KIAA0319L: variants seen among roughly 807,000 people sequenced by gnomAD.
KIAA0319L encodes dyslexia-associated protein KIAA0319-like protein.
KIAA0319L carries 55 observed loss-of-function variants against 120.1 expected under a neutral mutation model. The observed-to-expected ratio is 0.46, with a 90% CI of 0.37 to 0.57. KIAA0319L has a LOEUF of 0.57. Among genes scored for constraint, KIAA0319L ranks in the 20% least tolerant of loss-of-function variants. KIAA0319L has a pLI of 0.00. For missense variants in KIAA0319L, 1,049 were observed against 1,255.3 expected (o/e 0.84, Z 2.48); for synonymous variants, 398 against 471.9 (o/e 0.84, Z 2.03).
intron 3 of KIAA0319L, among the ~76,000 whole-genome samples, chr1:35,502,395 C>T (rs1645041238): frequency 6.6e-6 from 1 of 151,622 alleles, no homozygotes; most frequent in Non-Finnish European, 1.5e-5. Context: ...ATAGTAAATG[C>T]TCAGTAAACA....
rs1194569222 is a variant in KIAA0319L, at chr1:35,444,225, C to T, written c.2592G>A (p.Lys864=). Residue 864 remains lysine, a synonymous_variant, in exon 17 of 21, where the codon AAG becomes AAA. Coordinates refer to ENST00000325722, the MANE Select transcript of KIAA0319L (RefSeq NM_024874.5). ...FKGHEVAAML[K]SELRKQKADF... ...CTGCCTTTTGCTTCCGCAGCTCACT[C>T]TTGAGCATCGCTGCCACCTCATGGC... 6.2e-7 allele frequency: 1 copy of T among 1,610,304 alleles called. No individual in the cohort carries two copies. Among genetic ancestry groups the T allele is most frequent in the South Asian group, 1.1e-5 (1 of 90,070 alleles).
At chr1:35,464,265 T>C (rs191455941) in intron 7 of KIAA0319L, among the ~76,000 whole-genome samples, 66 of 152,298 alleles carry the variant, frequency 4.3e-4, no homozygotes, top group Non-Finnish European at 7.8e-4. Context: ...ACTTGTTGAA[T>C]GGCTTTGCCC....
At chr1:35,469,532 A>G (rs1018605302) in intron 6 of KIAA0319L, among the ~76,000 whole-genome samples, 6 of 151,848 alleles carry the variant, frequency 4.0e-5, no homozygotes, top group Non-Finnish European at 8.8e-5. Flanking sequence ...AACCACATAT[A>G]AATTCCCCTT....
chr1:35,458,293 T>C (rs1642635476), intron 9 of KIAA0319L, among the ~76,000 whole-genome samples: 1 of 152,132 alleles, frequency 6.6e-6, no homozygotes, highest in Non-Finnish European at 1.5e-5. Flanking sequence ...AAGCACCTTA[T>C]AGACAGACGG....
intron 2 of KIAA0319L, among the ~76,000 whole-genome samples, chr1:35,508,471 A>G (rs925219204): frequency 4.6e-5 from 7 of 152,224 alleles, no homozygotes; most frequent in Admixed American, 4.6e-4. Flanking sequence ...AAACTAATCA[A>G]AGATAAAAGG....
intron 2 of KIAA0319L, among the ~76,000 whole-genome samples, chr1:35,526,306 T>C (rs1317066963): frequency 1.4e-5 from 2 of 147,472 alleles, no homozygotes; most frequent in Non-Finnish European, 3.0e-5. Flanking sequence ...TATATGTACA[T>C]ATATACATAT....
chr1:35,434,738 G>A lies in KIAA0319L; in HGVS notation c.*156C>T, dbSNP rs907174611. 3.1e-5 allele frequency: 19 copies of A among 609,974 alleles called. No homozygotes were observed. Among genetic ancestry groups the A allele is most frequent in the Middle Eastern group, 4.4e-4 (1 of 2,274 alleles). The allele number at this position is 609,974 out of a possible 1,614,324, so 37.8% of individuals were successfully genotyped here. A position where few individuals can be genotyped will look rare whatever the true frequency, so the allele number is the denominator to read the frequency against. On this transcript the variant is annotated 3_prime_UTR_variant, in exon 21 of 21. Coordinates refer to ENST00000325722, the MANE Select transcript of KIAA0319L (RefSeq NM_024874.5). ...ACAGCTTCGTTGAGGGGTTCCTGGA[G>A]GACGTCTCTGGATTCAAGTCCCAGG...
chr1:35,474,960 TTCTC>T, intron 4 of KIAA0319L, 54 bp from the exon 5 acceptor site: 7 of 1,009,140 alleles, frequency 6.9e-6, no homozygotes, highest in East Asian at 5.1e-5. Context: ...ACTGTCTTAT[TTCTC>T]TCTTTCTTTT....
chr1:35,529,866 T>G (rs1646293210), intron 2 of KIAA0319L, among the ~76,000 whole-genome samples: 2 of 152,220 alleles, frequency 1.3e-5, no homozygotes, highest in Non-Finnish European at 2.9e-5. Flanking sequence ...ATTTGGGAAG[T>G]TTAAAGCTAT....
chr1:35,528,856 CTTCT>C (rs1484022661), intron 2 of KIAA0319L, among the ~76,000 whole-genome samples: 3 of 152,136 alleles, frequency 2.0e-5, no homozygotes, highest in East Asian at 1.9e-4. Context: ...ATATAATGAC[CTTCT>C]TTGTCTCTTT....
chr1:35,534,926 G>A (rs1646515901), intron 2 of KIAA0319L, among the ~76,000 whole-genome samples: 1 of 146,980 alleles, frequency 6.8e-6, no homozygotes, highest in Non-Finnish European at 1.5e-5. Context: ...AGACCAGCCT[G>A]ACCAACATGG....
chr1:35,513,878 C>T (rs1159549437), intron 2 of KIAA0319L, among the ~76,000 whole-genome samples: 1 of 152,106 alleles, frequency 6.6e-6, no homozygotes, highest in East Asian at 1.9e-4. Flanking sequence ...CTCAAACACA[C>T]AAGGTTCACA....
intron 4 of KIAA0319L, among the ~76,000 whole-genome samples, chr1:35,475,210 T>C (rs1641982989): frequency 6.6e-6 from 1 of 152,182 alleles, no homozygotes; most frequent in East Asian, 1.9e-4. Flanking sequence ...TTGGATATCA[T>C]GACACCATAT....
chr1:35,456,338 T>C, intron 9 of KIAA0319L, 97 bp from the exon 10 acceptor site: 1 of 793,312 alleles, frequency 1.3e-6, no homozygotes, highest in South Asian at 2.0e-5. Flanking sequence ...AATACCAATG[T>C]GGCAAGGTTA....
At chr1:35,477,771 G>A (rs1643964864) in intron 4 of KIAA0319L, among the ~76,000 whole-genome samples, 1 of 152,068 alleles carries the variant, frequency 6.6e-6, no homozygotes, top group Admixed American at 6.5e-5. Flanking sequence ...TGAGGATGTG[G>A]AGAAAAGGGG....
chr1:35,488,524 T>C (rs979252556), intron 3 of KIAA0319L, among the ~76,000 whole-genome samples: 2 of 152,088 alleles, frequency 1.3e-5, no homozygotes, highest in African/African-American at 4.8e-5. Flanking sequence ...CTCTGGGAAA[T>C]TGAAACAGAA....
chr1:35,443,962 C>T (rs1034319430), intron 17 of KIAA0319L, 199 bp downstream of exon 17: 9 of 440,166 alleles, frequency 2.0e-5, no homozygotes, highest in African/African-American at 4.1e-5. Context: ...CTTCTGAACA[C>T]GATCTCAGGG....
chr1:35,451,453 C>T (rs1461180690), intron 13 of KIAA0319L, among the ~76,000 whole-genome samples, 175 bp downstream of exon 13: 2 of 152,046 alleles, frequency 1.3e-5, no homozygotes, highest in Admixed American at 6.6e-5. Flanking sequence ...TAAAATTCAC[C>T]TTACAGTCCA....
chr1:35,464,108 A>G (rs1168462310), intron 7 of KIAA0319L, among the ~76,000 whole-genome samples: 3 of 152,156 alleles, frequency 2.0e-5, no homozygotes, highest in Non-Finnish European at 2.9e-5. Context: ...GACACAGTAA[A>G]TTGGTACCAG....
Sources: allele counts gnomAD v4.1 joint callset (sites outside exome capture counted in the v4.1 genomes callset), GRCh38; gene constraint gnomAD v4.1.1; transcripts MANE v1.5; gene names NCBI Gene and HGNC (gene_info 2026-07-23, HGNC 2026-07-21).